FYB2: variants seen among roughly 807,000 people sequenced by gnomAD.
FYB2 encodes the protein FYN-binding protein 2.
In FYB2, 103 loss-of-function variants were observed where a neutral mutation model predicts 94.1. That is an observed-to-expected ratio of 1.09 (90% CI 0.93 to 1.29). The LOEUF is 1.29. Ranked by LOEUF, FYB2 falls within the 50% of genes most tolerant of loss-of-function variation. The probability of loss-of-function intolerance (pLI) is 0.00; values close to 1 mark genes in which losing one functional copy is unlikely to be tolerated. For missense variants in FYB2, 896 were observed against 841.5 expected (o/e 1.06, Z -0.80); for synonymous variants, 293 against 287.9 (o/e 1.02, Z -0.18).
chr1:56,824,322 A>T (rs1647011452), upstream of FYB2: 1 of 152,416 alleles, frequency 6.6e-6, no homozygotes, highest in African/African-American at 2.4e-5. Context: ...GGCGCCTTGA[A>T]CACTGCATCC....
In FYB2 at chr1:56,784,773, A is replaced by G. The variant is rs79772501; in HGVS notation, c.953+2402T>C. ...TATCTGTTTGTCCATCTGTCCATTCATTCATCCACCCATCAACTACATCTC... is the reference window on the plus strand; with the variant it reads ...TATCTGTTTGTCCATCTGTCCATTCGTTCATCCACCCATCAACTACATCTC... On this transcript the variant is annotated intron_variant, in intron 4 of 19. Coordinates refer to ENST00000343433, the MANE Select transcript of FYB2 (RefSeq NM_001004303.5). 4.9e-3 allele frequency among the ~76,000 whole-genome samples: 744 copies of G among 152,272 alleles called. 4 individuals are homozygous for G. The highest frequency in any genetic ancestry group is 0.016 in the African/African-American group (666 of 41,564).
At chr1:56,812,059 CA>C (rs1317382091) in intron 1 of FYB2, among the ~76,000 whole-genome samples, 5 of 152,230 alleles carry the variant, frequency 3.3e-5, no homozygotes, top group Admixed American at 3.3e-4. Flanking sequence ...AGCTCTGCTA[CA>C]AATTTTGGAT....
upstream of FYB2, among the ~76,000 whole-genome samples, chr1:56,821,569 G>A (rs1646992223): frequency 6.6e-6 from 1 of 152,174 alleles, no homozygotes; most frequent in Non-Finnish European, 1.5e-5. Context: ...GTTGGCTTAA[G>A]GACAAATGGC....
intron 12 of FYB2, among the ~76,000 whole-genome samples, 194 bp from the exon 13 acceptor site, chr1:56,740,989 G>T (rs1644940047): frequency 6.6e-6 from 1 of 152,068 alleles, no homozygotes; most frequent in Non-Finnish European, 1.5e-5. Flanking sequence ...GAGGAAGAAT[G>T]AAGGTTGGAA....
chr1:56,767,875 G>C lies in FYB2; in HGVS notation c.1017C>G (p.His339Gln). 1.2e-6 allele frequency: 2 copies of C among 1,612,542 alleles called. No homozygotes were observed. The highest frequency in any genetic ancestry group is 4.5e-5 in the East Asian group (2 of 44,858). ...TGCACAGGTTAATGGAGTTGCCAGAGTGTCTCAGATATGAAATTGTTGCCT... is the reference window on the plus strand; with the variant it reads ...TGCACAGGTTAATGGAGTTGCCAGACTGTCTCAGATATGAAATTGTTGCCT... ...NYEATISYLRHSGNSINLCTA... is the reference protein window; with the variant it reads ...NYEATISYLRQSGNSINLCTA... The change falls in exon 5 of 20, where the codon CAC (histidine) becomes CAG (glutamine). Residue 339 changes from histidine (H) to glutamine (Q), a missense_variant. His to Gln is a conservative substitution (Grantham distance 24, BLOSUM62 0). Transcript: ENST00000343433.
the FYB2 span, chr1:56,825,053 G>A: frequency 6.6e-6 from 1 of 152,272 alleles, no homozygotes; most frequent in African/African-American, 2.4e-5. Flanking sequence ...TCAAGCCACA[G>A]GGGAACAATC....
chr1:56,747,611 T>C (rs1227967245), intron 9 of FYB2, among the ~76,000 whole-genome samples: 1 of 152,160 alleles, frequency 6.6e-6, no homozygotes, highest in Non-Finnish European at 1.5e-5. Flanking sequence ...GGCTGCATAG[T>C]ATTCCATGGT....
At chr1:56,737,969 C>T (rs1267035059) in intron 14 of FYB2, among the ~76,000 whole-genome samples, 2 of 151,976 alleles carry the variant, frequency 1.3e-5, no homozygotes, top group Non-Finnish European at 2.9e-5. Context: ...ATATAATATA[C>T]TTTTGAATTG....
At chr1:56,743,990 C>T in intron 11 of FYB2, 36 bp downstream of exon 11, 1 of 1,600,450 alleles carries the variant, frequency 6.2e-7, no homozygotes, top group Non-Finnish European at 8.5e-7. Flanking sequence ...TCTGCAATTC[C>T]TACTGGCAAC....
intron 1 of FYB2, among the ~76,000 whole-genome samples, chr1:56,794,685 CG>C (rs1646353637): frequency 6.6e-6 from 1 of 152,010 alleles, no homozygotes; most frequent in South Asian, 2.1e-4. Flanking sequence ...CACACACACA[CG>C]CACAGGCACA....
intron 4 of FYB2, among the ~76,000 whole-genome samples, chr1:56,785,217 G>T (rs1646106389): frequency 6.6e-6 from 1 of 152,308 alleles, no homozygotes; most frequent in Middle Eastern, 3.4e-3. Flanking sequence ...AAATGCCAGA[G>T]AAGAGGTCAG....
intron 5 of FYB2, among the ~76,000 whole-genome samples, chr1:56,759,586 TAACTG>T (rs756522016): frequency 2.0e-5 from 3 of 152,184 alleles, no homozygotes; most frequent in Non-Finnish European, 4.4e-5. Flanking sequence ...AATTCATTGT[TAACTG>T]AAACATTGTG....
chr1:56,825,730 A>G, the FYB2 span, among the ~76,000 whole-genome samples: 1 of 152,182 alleles, frequency 6.6e-6, no homozygotes, highest in Non-Finnish European at 1.5e-5. Flanking sequence ...TCATTCATCC[A>G]ACACATGTTT....
rs536528428 is a variant in FYB2 at position 56,794,076 on chromosome 1, T to C, written c.10-1273A>G. 1.8e-4 allele frequency among the ~76,000 whole-genome samples: 27 copies of C among 152,342 alleles called. No individual in the cohort carries two copies. The South Asian group carries it at 4.6e-3, about 26-fold the overall frequency. On this transcript the variant is annotated intron_variant, in intron 1 of 19. Transcript: ENST00000343433. ...AGGCCCATGATAAAGAAAAGTTCTT[T>C]ATAAGAGGCTAGATGACGCTCTTGC... is the stretch of plus-strand genomic sequence containing the variant.
At chr1:56,780,641 T>C (rs557952030) in intron 4 of FYB2, among the ~76,000 whole-genome samples, 6 of 152,038 alleles carry the variant, frequency 3.9e-5, no homozygotes, top group South Asian at 2.1e-4. Flanking sequence ...TAGCTGGGAG[T>C]TGTAAAATGA....
intron 9 of FYB2, 48 bp from the exon 10 acceptor site, chr1:56,744,314 A>G (rs762415853): frequency 1.0e-5 from 14 of 1,401,912 alleles, no homozygotes; most frequent in Non-Finnish European, 1.2e-5. Flanking sequence ...AGCTGCCATC[A>G]TAAAGTCATT....
In FYB2 at chr1:56,819,345, C is replaced by A; in HGVS notation, c.-55G>T. ...CAAGCCCAGCCTCTCAGAGCTGGGT[C>A]CTGGGGCCAACAATCCGCTTTCCTC... On this transcript the variant is annotated 5_prime_UTR_variant, in exon 1 of 20. Coordinates refer to ENST00000343433, the MANE Select transcript of FYB2 (RefSeq NM_001004303.5). 1 of 1,611,290 alleles carries A rather than the reference C, an allele frequency of 6.2e-7. No homozygotes were observed. Among genetic ancestry groups the A allele is most frequent in the Non-Finnish European group, 8.5e-7 (1 of 1,177,730 alleles).
chr1:56,769,251 G>A (rs1003089882), intron 4 of FYB2, among the ~76,000 whole-genome samples: 5 of 152,042 alleles, frequency 3.3e-5, no homozygotes, highest in African/African-American at 1.2e-4. Flanking sequence ...TATTGCCCAG[G>A]CTGGTCTCGA....
chr1:56,750,947 T>G (rs1409356253), intron 9 of FYB2, 97 bp downstream of exon 9: 1 of 1,400,092 alleles, frequency 7.1e-7, no homozygotes, highest in African/African-American at 1.4e-5. Flanking sequence ...AAAATAGATG[T>G]TCAATAAATA....
Sources: gnomAD v4.1 joint callset for allele counts (sites outside exome capture counted in the v4.1 genomes callset) on GRCh38, gnomAD v4.1.1 for gene constraint, MANE v1.5 for transcripts, NCBI Gene and HGNC (gene_info 2026-07-23, HGNC 2026-07-21) for gene names.